The following WWP1 variants were observed in gnomAD, a reference collection of about 807,000 sequenced individuals.
WWP1 encodes the protein NEDD4-like E3 ubiquitin-protein ligase WWP1.
WWP1 carries 49 observed loss-of-function variants against 130.6 expected under a neutral mutation model. The observed-to-expected ratio is 0.38, with a 90% confidence interval of 0.30 to 0.48. WWP1 has a LOEUF of 0.48. Ranked by LOEUF, WWP1 falls within the 20% of genes least tolerant of loss-of-function variation. The pLI is 0.99. For synonymous variants in WWP1, 332 were observed against 367.8 expected, an observed-to-expected ratio of 0.90 and a Z score of 1.11; for missense variants, 809 against 1,100.6, an observed-to-expected ratio of 0.74 and a Z score of 3.75.
chr8:86,390,056 G>C (rs183699149), intron 5 of WWP1, among the ~76,000 whole-genome samples: 1 of 151,940 alleles, frequency 6.6e-6, no homozygotes, highest in Non-Finnish European at 1.5e-5. Context: ...GATCCCAGAC[G>C]GGGTCGCAGC....
At chr8:86,391,716 G>A (rs569908993) in intron 5 of WWP1, among the ~76,000 whole-genome samples, 1 of 152,144 alleles carries the variant, frequency 6.6e-6, no homozygotes. Context: ...TGGAGGCTCA[G>A]TAGAGTCAGG....
intron 1 of WWP1, among the ~76,000 whole-genome samples, chr8:86,359,077 C>T (rs1224009798): frequency 6.6e-6 from 1 of 152,204 alleles, no homozygotes; most frequent in African/African-American, 2.4e-5. Context: ...ATGCCCAACA[C>T]AGTCCCCAGG....
At chr8:86,424,751 A>G (rs1158327841) in intron 9 of WWP1, among the ~76,000 whole-genome samples, 1 of 148,930 alleles carries the variant, frequency 6.7e-6, no homozygotes, top group Non-Finnish European at 1.5e-5. Context: ...CCGAGATGGC[A>G]GCGGTACAGT....
intron 1 of WWP1, among the ~76,000 whole-genome samples, chr8:86,357,033 A>G (rs907884237): frequency 6.6e-6 from 1 of 152,240 alleles, no homozygotes; most frequent in Non-Finnish European, 1.5e-5. Flanking sequence ...TTGCAACTTT[A>G]TAAAAGTCTA....
At chr8:86,466,445 G>GTCATAATCCAATAAAAATTCTCATAAA (rs1812145015) in intron 24 of WWP1, among the ~76,000 whole-genome samples, 1 of 151,878 alleles carries the variant, frequency 6.6e-6, no homozygotes, top group Non-Finnish European at 1.5e-5. Context: ...TGATGAATGA[G>GTCATAATCCAATAAAAATTCTCATAAA]TGACTGAGTG....
At chr8:86,445,426 G>A (rs1810809527) in intron 18 of WWP1, among the ~76,000 whole-genome samples, 1 of 152,072 alleles carries the variant, frequency 6.6e-6, no homozygotes, top group Admixed American at 6.5e-5. Context: ...GCTCCCACCT[G>A]TACGTAAGAA....
At chr8:86,376,425 C>T (rs147357378) in intron 3 of WWP1, among the ~76,000 whole-genome samples, 8,268 of 152,084 alleles carry the variant, frequency 0.054, 318 homozygotes, top group Non-Finnish European at 0.086. Context: ...AAAAATTAGC[C>T]GGGCATAGTG....
intron 9 of WWP1, among the ~76,000 whole-genome samples, chr8:86,424,257 CAG>C (rs1458328534): frequency 6.6e-6 from 1 of 151,382 alleles, no homozygotes; most frequent in African/African-American, 2.4e-5. Context: ...GGCGGCCAGG[CAG>C]AGACACTCCT....
At chr8:86,348,633 C>T (rs1822738084) in intron 1 of WWP1, among the ~76,000 whole-genome samples, 1 of 152,212 alleles carries the variant, frequency 6.6e-6, no homozygotes, top group African/African-American at 2.4e-5. Context: ...GATATGAAGC[C>T]TTTCCTCTTG....
chr8:86,442,963 A>G (rs1041946381), intron 18 of WWP1, among the ~76,000 whole-genome samples, 185 bp downstream of exon 18: 1 of 152,190 alleles, frequency 6.6e-6, no homozygotes, highest in African/African-American at 2.4e-5. Context: ...GATTATGAAT[A>G]TGAAGATTAT....
At chr8:86,369,640 C>T (rs1454512506) in intron 2 of WWP1, among the ~76,000 whole-genome samples, 1 of 152,096 alleles carries the variant, frequency 6.6e-6, no homozygotes, top group Non-Finnish European at 1.5e-5. Context: ...CCTTTATTCT[C>T]AGTAGTTATC....
rs182643956 is a variant in WWP1, at chr8:86,354,088, G to A, written c.-115+11158G>A. Among the ~76,000 whole-genome samples the A allele has an allele frequency of 2.9e-3, 444 of 152,324 alleles. 1 individual carries two copies. The highest frequency in any genetic ancestry group is 9.8e-3 in the African/African-American group (406 of 41,572). On this transcript the variant is annotated intron_variant, in intron 1 of 24. Transcript: ENST00000517970. ...CCTAGAATTGGGTGTTGGCACCCAT[G>A]GGCTGAGTGCTACTGTTTAAGTTAA...
chr8:86,386,701 T>C (rs905343648), intron 5 of WWP1: 1 of 152,214 alleles, frequency 6.6e-6, no homozygotes, highest in Non-Finnish European at 1.5e-5. Flanking sequence ...TGACTGTAAC[T>C]GAAGAAACTT....
rs537083098 is a variant in WWP1, at chr8:86,411,928, A to C, written c.1061+54A>C. On this transcript the variant is annotated intron_variant, in intron 9 of 24. Transcript: ENST00000517970. ...GCATTTAAGTAGCAACTCTGTTAAC[A>C]TACGATTATTGAATGTGTGCATAAA... The C allele has an allele frequency of 8.4e-5, 123 of 1,462,560 alleles. 2 individuals are homozygous for C. The South Asian group carries it at 1.6e-3, about 19-fold the overall frequency. 90.6% of individuals were successfully genotyped at this position (1,462,560 alleles called of 1,614,324 possible).
In WWP1 at chr8:86,352,039, CT is replaced by C. The variant is rs770047019; in HGVS notation, c.-115+9127del. Among the ~76,000 whole-genome samples the C allele has an allele frequency of 2.1e-3, 257 of 125,162 alleles. 2 individuals carry two copies. The highest frequency in any genetic ancestry group is 5.7e-3 in the South Asian group (21 of 3,684). 82.1% of individuals were successfully genotyped at this position (125,162 alleles called of 152,430 possible). A position where few individuals can be genotyped will look rare whatever the true frequency, so the allele number is the denominator to read the frequency against. On this transcript the variant is annotated intron_variant, in intron 1 of 24. Coordinates refer to ENST00000517970, the MANE Select transcript of WWP1 (RefSeq NM_007013.4). ...TTCTAGCTAGCTAGCTAAAATATTCCTTTTTTTTTTTTTTTTTTGAGAAAAG... is the reference window on the plus strand; with the variant it reads ...TTCTAGCTAGCTAGCTAAAATATTCCTTTTTTTTTTTTTTTTTGAGAAAAG...
At chr8:86,380,690 C>T in intron 3 of WWP1, 36 bp from the exon 4 acceptor site, 1 of 1,571,582 alleles carries the variant, frequency 6.4e-7, no homozygotes, top group Non-Finnish European at 8.6e-7. Flanking sequence ...TACTTTTTGG[C>T]AACACATACT....
At position 86,431,698 on chromosome 8, in the gene WWP1, C is replaced by A; in HGVS notation, c.1556C>A (p.Thr519Lys). 2 of 1,613,902 alleles carry A rather than the reference C, an allele frequency of 1.2e-6. No individual in the cohort carries two copies. Among genetic ancestry groups the A allele is most frequent in the Non-Finnish European group, 1.7e-6 (2 of 1,179,906 alleles). The change falls in exon 14 of 25, where the codon ACA becomes AAA. Residue 519 changes from threonine to lysine, a missense_variant. Physicochemically the swap from Thr to Lys is moderately conservative, Grantham distance 78 (BLOSUM62 -1). Coordinates refer to ENST00000517970, the MANE Select transcript of WWP1 (RefSeq NM_007013.4). ...EGVRYFVDHN[T>K]RTTTFKDPRN... ...GTAAGGTACTTTGTTGATCATAACA[C>A]AAGAACAACAACATTCAAAGATCCT...
At chr8:86,422,314 A>AGTTT (rs1400860018) in intron 9 of WWP1, among the ~76,000 whole-genome samples, 1 of 122,604 alleles carries the variant, frequency 8.2e-6, no homozygotes, top group Non-Finnish European at 1.6e-5. Context: ...CAGAAGTACC[A>AGTTT]GTTTGTATTT....
intron 20 of WWP1, 21 bp from the exon 21 acceptor site, chr8:86,452,538 A>G: frequency 6.3e-7 from 1 of 1,580,672 alleles, no homozygotes; most frequent in Non-Finnish European, 8.6e-7. Context: ...ACCTATTTTT[A>G]AATACCATCT....
Sources: allele counts gnomAD v4.1 joint callset (sites outside exome capture counted in the v4.1 genomes callset), GRCh38; gene constraint gnomAD v4.1.1; transcripts MANE v1.5; gene names NCBI Gene and HGNC (gene_info 2026-07-23, HGNC 2026-07-21).